The following ZAP70 variants were observed in gnomAD, a reference collection of about 807,000 sequenced individuals.
The protein encoded by ZAP70 is tyrosine-protein kinase ZAP-70.
In ZAP70, 27 loss-of-function variants were observed where a neutral mutation model predicts 65.8. The ratio of observed to expected loss-of-function variants is 0.41; its 90% CI spans 0.30 to 0.57. The LOEUF is 0.57. ZAP70 is among the 20% of genes least tolerant of loss of function. The pLI is 0.28. For synonymous variants in ZAP70, 363 were observed against 360.8 expected (o/e 1.01, Z -0.07); for missense variants, 696 against 870.5 (o/e 0.80, Z 2.52).
chr2:97,714,323 A>C (rs539248211), intron 2 of ZAP70, among the ~76,000 whole-genome samples: 1 of 152,138 alleles, frequency 6.6e-6, no homozygotes, highest in East Asian at 1.9e-4. Flanking sequence ...GAGAAAGCGC[A>C]TGTGCACTCT....
intron 4 of ZAP70, among the ~76,000 whole-genome samples, chr2:97,728,984 C>A (rs1342560334): frequency 6.6e-6 from 1 of 152,234 alleles, no homozygotes; most frequent in Non-Finnish European, 1.5e-5. Flanking sequence ...AACTCCTGAC[C>A]TCAGGTGATC....
intron 4 of ZAP70, among the ~76,000 whole-genome samples, chr2:97,725,501 G>C (rs1172150640): frequency 6.6e-6 from 1 of 152,212 alleles, no homozygotes; most frequent in Non-Finnish European, 1.5e-5. Context: ...CCTGCTGGCT[G>C]TGGCCCTTGG....
chr2:97,738,144 C>T, intron 13 of ZAP70, 37 bp downstream of exon 13: 3 of 1,555,210 alleles, frequency 1.9e-6, no homozygotes, highest in Non-Finnish European at 2.6e-6. Context: ...GCTGGGCTGA[C>T]CCCTGGAAAG....
intron 2 of ZAP70, among the ~76,000 whole-genome samples, chr2:97,719,081 C>A (rs534662156): frequency 1.3e-5 from 2 of 152,234 alleles, no homozygotes; most frequent in East Asian, 3.9e-4. Flanking sequence ...CAAGGGAGGC[C>A]TTGGGGAAGA....
chr2:97,735,233 G>T lies in ZAP70; in HGVS notation c.1083-17G>T. ...GGTGCCCCTCGCCCACGTGCCTCCC[G>T]TGGCCGGGTCGGGCAGGAAGCAGAT... On this transcript the variant is annotated splice_polypyrimidine_tract_variant and intron_variant, in intron 9 of 13. Coordinates refer to ENST00000264972, the MANE Select transcript of ZAP70 (RefSeq NM_001079.4). The T allele has an allele frequency of 6.2e-7, 1 of 1,613,642 alleles. No individual in the cohort carries two copies. Among genetic ancestry groups the T allele is most frequent in the South Asian group, 1.1e-5 (1 of 91,084 alleles).
chr2:97,717,390 TG>T (rs969125321), intron 2 of ZAP70, among the ~76,000 whole-genome samples: 1 of 113,508 alleles, frequency 8.8e-6, no homozygotes, highest in Non-Finnish European at 1.8e-5. Context: ...AGCCTCTGGC[TG>T]GGGGGACATG....
intron 8 of ZAP70, 56 bp downstream of exon 8, chr2:97,733,651 G>T: frequency 6.2e-7 from 1 of 1,609,328 alleles, no homozygotes. Context: ...CGAGATCAGG[G>T]TCGCTGTCAG....
chr2:97,737,536 C>T lies in ZAP70; in HGVS notation c.1353C>T (p.Tyr451=), dbSNP rs200693152. ...ACCAGGTGTCCATGGGGATGAAGTACCTGGAGGAGAAGAACTTTGTGCACC... is the reference window on the plus strand; with the variant it reads ...ACCAGGTGTCCATGGGGATGAAGTATCTGGAGGAGAAGAACTTTGTGCACC... ...LLHQVSMGMK[Y]LEEKNFVHRD... Residue 451 remains tyrosine (Y), a synonymous_variant, in exon 11 of 14, where the codon TAC becomes TAT. Coordinates refer to ENST00000264972, the MANE Select transcript of ZAP70 (RefSeq NM_001079.4). The surrounding 1 kb of genome is among the most constrained non-coding windows in gnomAD (Gnocchi z 5.0). 1.4e-5 allele frequency: 22 copies of T among 1,613,952 alleles called. 1 individual carries two copies. Among genetic ancestry groups the T allele is most frequent in the Admixed American group, 1.0e-4 (6 of 59,988 alleles).
the ZAP70 span, among the ~76,000 whole-genome samples, chr2:97,749,158 C>T: frequency 8.6e-5 from 13 of 151,950 alleles, no homozygotes; most frequent in Admixed American, 6.6e-4. Context: ...TACAGGCGCC[C>T]GCCACCAAGC....
chr2:97,725,080 C>T lies in ZAP70; in HGVS notation c.403-12C>T, dbSNP rs1481709607. ...GCCACACCTACAGACCTCCTCGCCT[C>T]TCCTTTTCTAGGGCGAGGCCCTGGA... On this transcript the variant is annotated splice_polypyrimidine_tract_variant and intron_variant, in intron 3 of 13. Transcript: ENST00000264972. 1 of 1,613,828 alleles carries T rather than the reference C, an allele frequency of 6.2e-7. No individual in the cohort carries two copies. Among genetic ancestry groups the T allele is most frequent in the Non-Finnish European group, 8.5e-7 (1 of 1,180,012 alleles).
At chr2:97,741,510 C>G (rs994158344), downstream of ZAP70, among the ~76,000 whole-genome samples, 2 of 152,084 alleles carry the variant, frequency 1.3e-5, no homozygotes, top group African/African-American at 2.4e-5. Context: ...CCCGTCCCCC[C>G]CAGGTGATGT....
downstream of ZAP70, among the ~76,000 whole-genome samples, chr2:97,740,640 C>G (rs1221110201): frequency 1.3e-5 from 2 of 152,092 alleles, no homozygotes; most frequent in Non-Finnish European, 2.9e-5. Flanking sequence ...CAGAGATGTC[C>G]GCTGAGGAAC....
downstream of ZAP70, among the ~76,000 whole-genome samples, chr2:97,741,806 T>G (rs576201837): frequency 6.6e-6 from 1 of 152,310 alleles, no homozygotes; most frequent in African/African-American, 2.4e-5. Flanking sequence ...AATATCTCAC[T>G]CCTCCTCTAT....
chr2:97,716,311 A>C (rs772677199), intron 2 of ZAP70, among the ~76,000 whole-genome samples: 13 of 152,102 alleles, frequency 8.5e-5, no homozygotes, highest in Non-Finnish European at 1.5e-4. Context: ...TGGACTGCAG[A>C]CCTTTGTAGG....
rs1210400362 is a variant in ZAP70 at position 97,736,972 on chromosome 2, G to T, written c.1290-501G>T. 6.6e-6 allele frequency among the ~76,000 whole-genome samples: 1 copy of T among 152,112 alleles called. No homozygotes were observed. The highest frequency in any genetic ancestry group is 1.5e-5 in the Non-Finnish European group (1 of 68,030). ...GGGCGGAGCTGACTATTCCTGCCTG[G>T]GGGTCCAGGTGAGTGATGCTGCGGC... On this transcript the variant is annotated intron_variant, in intron 10 of 13. Transcript: ENST00000264972. The surrounding 1 kb of genome is among the most constrained non-coding windows in gnomAD (Gnocchi z 4.0).
chr2:97,734,282 A>G (rs1168046774), intron 8 of ZAP70: 1 of 1,202,368 alleles, frequency 8.3e-7, no homozygotes, highest in African/African-American at 1.5e-5. Flanking sequence ...CGTGGATACC[A>G]ATGCACACGC....
At chr2:97,747,815 G>GTT in the ZAP70 span, among the ~76,000 whole-genome samples, 2,462 of 54,220 alleles carry the variant, frequency 0.045, 322 homozygotes, top group African/African-American at 0.056. Context: ...CTGGCACGAG[G>GTT]TTTTTTTTTT....
chr2:97,756,092 AG>A, the ZAP70 span, among the ~76,000 whole-genome samples: 1 of 152,216 alleles, frequency 6.6e-6, no homozygotes, highest in Non-Finnish European at 1.5e-5. Flanking sequence ...ATAGTGGCAG[AG>A]GGAAAACGCT....
At position 97,724,987 on chromosome 2, in the gene ZAP70, C is replaced by T. The variant is rs1677322377; in HGVS notation, c.403-105C>T. On this transcript the variant is annotated intron_variant, in intron 3 of 13. Coordinates refer to ENST00000264972, the MANE Select transcript of ZAP70 (RefSeq NM_001079.4). Reference sequence around the variant, plus strand: ...AAACCTGCCTAACACGCGCTAGGGACGCCTGGGTGGGGTGGGGAGTCCTCT... The same window carrying T: ...AAACCTGCCTAACACGCGCTAGGGATGCCTGGGTGGGGTGGGGAGTCCTCT... The T allele has an allele frequency of 3.2e-6, 5 of 1,563,754 alleles. No individual in the cohort carries two copies. The Admixed American group carries it at 5.5e-5, about 17-fold the overall frequency.
Sources: allele counts gnomAD v4.1 joint callset (sites outside exome capture counted in the v4.1 genomes callset), GRCh38; gene constraint gnomAD v4.1.1; non-coding constraint Gnocchi (gnomAD v3.1); transcripts MANE v1.5; gene names NCBI Gene and HGNC (gene_info 2026-07-23, HGNC 2026-07-21).